NRG1: variants seen among roughly 807,000 people sequenced by gnomAD.
NRG1 encodes pro-neuregulin-1, membrane-bound isoform.
A neutral mutation model predicts 63.8 loss-of-function variants in NRG1; 18 were observed. The ratio of observed to expected loss-of-function variants is 0.28; its 90% CI spans 0.19 to 0.42. NRG1 has a LOEUF of 0.42. Among genes scored for constraint, NRG1 ranks in the 10% least tolerant of loss-of-function variants. The pLI, the probability that NRG1 is intolerant of heterozygous loss-of-function variation, is 1.00. For synonymous variants in NRG1, 302 were observed against 301.3 expected (o/e 1.00, Z -0.02); for missense variants, 762 against 814.7 (o/e 0.94, Z 0.79).
chr8:31,811,443 G>A (rs572715279), intron 1 of NRG1, among the ~76,000 whole-genome samples: 69 of 152,038 alleles, frequency 4.5e-4, no homozygotes, highest in Admixed American at 3.3e-3. Context: ...AATTTTCCCC[G>A]ATGTGCCATG....
intron 1 of NRG1, among the ~76,000 whole-genome samples, chr8:31,999,353 T>G (rs1812551177): frequency 6.6e-6 from 1 of 152,030 alleles, no homozygotes; most frequent in South Asian, 2.1e-4. Flanking sequence ...ATTATGTATC[T>G]AAATATGTCT....
intron 1 of NRG1, among the ~76,000 whole-genome samples, chr8:32,580,712 G>T (rs7846173): frequency 0.28 from 42,089 of 151,888 alleles, 5,902 homozygotes; most frequent in South Asian, 0.35. Flanking sequence ...CTGTTTATAT[G>T]TAGCTCTGAA....
At chr8:32,424,912 A>T (rs1401764445) in intron 1 of NRG1, among the ~76,000 whole-genome samples, 1 of 152,136 alleles carries the variant, frequency 6.6e-6, no homozygotes, top group Non-Finnish European at 1.5e-5. Context: ...AACAAAAAAA[A>T]TTGGAGGGAA....
At chr8:31,639,998 GCGC>G in intron 1 of NRG1, 1 of 1,126,002 alleles carries the variant, frequency 8.9e-7, no homozygotes, top group Non-Finnish European at 1.1e-6. Flanking sequence ...AGATGGCGAC[GCGC>G]CCCGCGCCGC....
chr8:32,050,982 G>A (rs1821886623), intron 1 of NRG1, among the ~76,000 whole-genome samples: 2 of 152,024 alleles, frequency 1.3e-5, no homozygotes, highest in Non-Finnish European at 2.9e-5. Flanking sequence ...AAGCCAAAGG[G>A]GAGAGATAAG....
At chr8:32,700,630 C>A (rs781118220) in intron 5 of NRG1, among the ~76,000 whole-genome samples, 4 of 152,154 alleles carry the variant, frequency 2.6e-5, no homozygotes, top group Non-Finnish European at 4.4e-5. Context: ...TAATCTTGCA[C>A]ATCAGCTGAA....
At chr8:31,957,344 T>C (rs1292585850) in intron 1 of NRG1, among the ~76,000 whole-genome samples, 1 of 152,180 alleles carries the variant, frequency 6.6e-6, no homozygotes, top group Non-Finnish European at 1.5e-5. Flanking sequence ...CATTTCATGA[T>C]TAAAATGCAG....
At chr8:32,289,578 T>G (rs1330116240) in intron 1 of NRG1, among the ~76,000 whole-genome samples, 2 of 152,214 alleles carry the variant, frequency 1.3e-5, no homozygotes, top group African/African-American at 2.4e-5. Context: ...GTCAAGCAAA[T>G]TTTAAAAATC....
intron 1 of NRG1, among the ~76,000 whole-genome samples, chr8:31,809,497 A>G (rs1159977586): frequency 2.0e-5 from 3 of 150,522 alleles, no homozygotes; most frequent in Non-Finnish European, 4.4e-5. Context: ...CCAGGCCATC[A>G]TGTGCTTGTC....
intron 1 of NRG1, among the ~76,000 whole-genome samples, chr8:32,277,785 G>A (rs542839045): frequency 2.6e-5 from 4 of 152,248 alleles, no homozygotes; most frequent in Middle Eastern, 3.4e-3. Context: ...ACAGAGGATC[G>A]TTCATTCCAA....
intron 1 of NRG1, among the ~76,000 whole-genome samples, chr8:32,519,994 G>A (rs1017666516): frequency 1.3e-5 from 2 of 151,964 alleles, no homozygotes; most frequent in Middle Eastern, 6.8e-3. Flanking sequence ...TGTGTATACT[G>A]CACACACACT....
At chr8:32,619,054 A>G (rs545613194) in intron 5 of NRG1, among the ~76,000 whole-genome samples, 1 of 152,188 alleles carries the variant, frequency 6.6e-6, no homozygotes, top group African/African-American at 2.4e-5. Flanking sequence ...GCTCTACAGA[A>G]AATTGAAAAC....
chr8:32,247,672 G>T (rs968828275), intron 1 of NRG1, among the ~76,000 whole-genome samples: 3 of 152,010 alleles, frequency 2.0e-5, no homozygotes, highest in African/African-American at 7.2e-5. Flanking sequence ...CTTAACTAAG[G>T]TGACAGCAAA....
chr8:31,755,536 G>A (rs915307713), intron 1 of NRG1, among the ~76,000 whole-genome samples: 64 of 152,184 alleles, frequency 4.2e-4, no homozygotes, highest in African/African-American at 1.4e-3. Context: ...TACTCTTAGA[G>A]GAAGTAAATA....
intron 5 of NRG1, among the ~76,000 whole-genome samples, chr8:32,666,972 T>G (rs1168843141): frequency 6.6e-6 from 1 of 152,202 alleles, no homozygotes; most frequent in East Asian, 1.9e-4. Context: ...TGAATAATAT[T>G]CCATTATATA....
At chr8:32,565,754 C>A (rs1428477209) in intron 1 of NRG1, among the ~76,000 whole-genome samples, 1 of 152,100 alleles carries the variant, frequency 6.6e-6, no homozygotes, top group East Asian at 1.9e-4. Flanking sequence ...CTAGTTGTTT[C>A]ATAATTTCTG....
chr8:32,300,142 CCACAGAA>C (rs1465291033), intron 1 of NRG1, among the ~76,000 whole-genome samples: 1 of 152,068 alleles, frequency 6.6e-6, no homozygotes, highest in African/African-American at 2.4e-5. Context: ...CCCTCATGTG[CCACAGAA>C]CTTCAAGTAA....
intron 5 of NRG1, among the ~76,000 whole-genome samples, chr8:32,630,831 A>G (rs1280572989): frequency 1.3e-5 from 2 of 151,708 alleles, no homozygotes; most frequent in Non-Finnish European, 1.5e-5. Context: ...CAACTGACTG[A>G]CGATAATTAA....
chr8:31,728,304 A>C (rs926729150), intron 1 of NRG1, among the ~76,000 whole-genome samples: 2 of 152,156 alleles, frequency 1.3e-5, no homozygotes, highest in African/African-American at 4.8e-5. Flanking sequence ...TCTCTACTAA[A>C]AATACAAAAA....
Sources: gnomAD v4.1 joint callset for allele counts (sites outside exome capture counted in the v4.1 genomes callset) on GRCh38, gnomAD v4.1.1 for gene constraint, MANE v1.5 for transcripts, NCBI Gene and HGNC (gene_info 2026-07-23, HGNC 2026-07-21) for gene names.